AFDN: variants seen among roughly 807,000 people sequenced by gnomAD.
AFDN encodes afadin, adherens junction formation factor, also known as afadin.
Under a neutral mutation model 216.6 loss-of-function variants are expected in AFDN, and 68 were observed. The observed-to-expected ratio is 0.31, with a 90% CI of 0.26 to 0.38. AFDN has a LOEUF of 0.38. Ranked by LOEUF, AFDN falls within the 10% of genes least tolerant of loss-of-function variation. The probability of loss-of-function intolerance (pLI) is 1.00; values close to 1 mark genes in which losing one functional copy is unlikely to be tolerated. For synonymous variants in AFDN, 868 were observed against 853.7 expected (o/e 1.02, Z -0.29); for missense variants, 2,136 against 2,342.0 (o/e 0.91, Z 1.82).
At chr6:167,907,616 A>G (rs991239347) in intron 13 of AFDN, among the ~76,000 whole-genome samples, 1 of 152,248 alleles carries the variant, frequency 6.6e-6, no homozygotes, top group Non-Finnish European at 1.5e-5. Context: ...TTTTGTATTT[A>G]GAAAAATCTG....
chr6:167,965,702 C>T (rs753994946), intron 31 of AFDN, 55 bp from the exon 32 acceptor site: 6 of 1,456,260 alleles, frequency 4.1e-6, no homozygotes, highest in Non-Finnish European at 5.5e-6. Flanking sequence ...CCCAGTGGGT[C>T]GGCTGTTCCC....
At chr6:167,839,109 A>G (rs1043861174) in intron 1 of AFDN, among the ~76,000 whole-genome samples, 7 of 152,192 alleles carry the variant, frequency 4.6e-5, no homozygotes, top group Admixed American at 4.6e-4. Flanking sequence ...TAATTTGTGT[A>G]GCTGCTGAAC....
At position 167,962,876 on chromosome 6, in the gene AFDN, A is replaced by T; in HGVS notation, c.4968+309A>T. 8.4e-7 allele frequency: 1 copy of T among 1,190,800 alleles called. No homozygotes were observed. The allele number at this position is 1,190,800 out of a possible 1,614,324, so 73.8% of individuals were successfully genotyped here. A position where few individuals can be genotyped will look rare whatever the true frequency, so the allele number is the denominator to read the frequency against. On this transcript the variant is annotated intron_variant, in intron 31 of 33. Transcript: ENST00000683244. The surrounding 1 kb of genome is among the most constrained non-coding windows in gnomAD (Gnocchi z 5.2). ...TTTCCTCGGGCACTCATCTTTACTG[A>T]ACATGGCCCAGCTTGTCATTGTGAA...
At chr6:167,869,992 A>G (rs1784617425) in intron 2 of AFDN, among the ~76,000 whole-genome samples, 2 of 152,194 alleles carry the variant, frequency 1.3e-5, no homozygotes, top group African/African-American at 2.4e-5. Flanking sequence ...GAACAATCTC[A>G]TAGAATCAGT....
chr6:167,886,357 A>G (rs761958674), intron 6 of AFDN, among the ~76,000 whole-genome samples: 3 of 152,226 alleles, frequency 2.0e-5, no homozygotes, highest in East Asian at 1.9e-4. Context: ...ATGAGAATTC[A>G]TAGATAAACA....
chr6:167,939,242 T>C (rs1794390976), intron 23 of AFDN, among the ~76,000 whole-genome samples: 1 of 152,222 alleles, frequency 6.6e-6, no homozygotes, highest in Non-Finnish European at 1.5e-5. Flanking sequence ...GGGATGATTT[T>C]TATTCTTTAC....
At chr6:167,869,158 G>A (rs947476707) in intron 2 of AFDN, among the ~76,000 whole-genome samples, 1 of 152,094 alleles carries the variant, frequency 6.6e-6, no homozygotes, top group Admixed American at 6.5e-5. Flanking sequence ...ACTGTGAGGT[G>A]ATGTGACTGA....
At position 167,951,769 on chromosome 6, in the gene AFDN, A is replaced by G. The variant is rs145460092; in HGVS notation, c.4415A>G (p.Glu1472Gly). ...SPLTAQQMKPEKPSTLQRPQE... is the reference protein window; with the variant it reads ...SPLTAQQMKPGKPSTLQRPQE... ...CTGACTGCACAGCAGATGAAGCCCG[A>G]AAAGCCTTCCACACTCCAGCGGCCA... is the stretch of plus-strand genomic sequence containing the variant. The change falls in exon 30 of 34, where the codon GAA becomes GGA. Residue 1472 changes from glutamate (E) to glycine (G), a missense_variant. Coordinates refer to ENST00000683244, the MANE Select transcript of AFDN (RefSeq NM_001386888.1). This position sits in a 1 kb window ranked among gnomAD's most constrained non-coding sequence, Gnocchi z 7.1. 8.1e-5 allele frequency: 131 copies of G among 1,614,008 alleles called. No homozygotes were observed. Among genetic ancestry groups the G allele is most frequent in the Non-Finnish European group, 1.1e-4 (127 of 1,180,036 alleles).
At chr6:167,872,681 G>A (rs556618983) in intron 4 of AFDN, among the ~76,000 whole-genome samples, 1 of 152,190 alleles carries the variant, frequency 6.6e-6, no homozygotes, top group East Asian at 1.9e-4. Context: ...TCTTCAGCTG[G>A]GTTTTTTCCT....
At position 167,951,196 on chromosome 6, in the gene AFDN, G is replaced by A. The variant is rs774470994; in HGVS notation, c.3842G>A (p.Arg1281His). The A allele has an allele frequency of 2.1e-5, 33 of 1,554,774 alleles. No individual in the cohort carries two copies. The highest frequency in any genetic ancestry group is 2.0e-4 in the East Asian group (9 of 44,330). Residue 1281 changes from arginine (R) to histidine (H), a missense_variant, in exon 30 of 34, where the codon CGT becomes CAT. Transcript: ENST00000683244. This position sits in a 1 kb window ranked among gnomAD's most constrained non-coding sequence, Gnocchi z 7.1. ...HSSIAIQRVT[R>H]SQEELREDKA... ...TTTTTCTTTTTGCAGCGTGTTACAC[G>A]TTCCCAAGAAGAACTTCGAGAAGAT...
chr6:167,911,374 C>T lies in AFDN; in HGVS notation c.1922C>T (p.Ala641Val). The change falls in exon 15 of 34, where the codon GCA (alanine) becomes GTA (valine). Residue 641 changes from alanine (A) to valine (V), a missense_variant. Coordinates refer to ENST00000683244, the MANE Select transcript of AFDN (RefSeq NM_001386888.1). ...KLSPTYVLYM[A>V]CRYVLSNQYR... ...TCCCCTACATATGTATTATATATGG[C>T]ATGCCGGTATGTATTGTCCAACCAG... 6.2e-7 allele frequency: 1 copy of T among 1,613,780 alleles called. No homozygotes were observed.
chr6:167,907,197 A>C lies in AFDN; in HGVS notation c.1677A>C (p.Arg559Ser). ...GCACCACTAGGCTGGACAGCGACAG[A>C]GTGTCGTCTGCCTCTAGCACAGCCG... ...SKSTTRLDSD[R>S]VSSASSTAER... Residue 559 changes from arginine (R) to serine (S), a missense_variant, in exon 13 of 34, where the codon AGA becomes AGC. Physicochemically the swap from Arg to Ser is moderately radical, Grantham distance 110. Coordinates refer to ENST00000683244, the MANE Select transcript of AFDN (RefSeq NM_001386888.1). The C allele has an allele frequency of 1.9e-6, 3 of 1,614,134 alleles. No homozygotes were observed. The highest frequency in any genetic ancestry group is 2.5e-6 in the Non-Finnish European group (3 of 1,179,988).
At chr6:167,917,330 C>CT in intron 20 of AFDN, 98 bp downstream of exon 20, 1 of 1,213,482 alleles carries the variant, frequency 8.2e-7, no homozygotes, top group Non-Finnish European at 1.1e-6. Flanking sequence ...AATACGTTAA[C>CT]TTATTTATTC....
upstream of AFDN, chr6:167,826,614 C>A: frequency 1.9e-6 from 1 of 517,612 alleles, no homozygotes; most frequent in Non-Finnish European, 3.9e-6. Context: ...TCGGACCCAG[C>A]ACTGCCCATT....
At chr6:167,946,931 T>G (rs1583005310) in intron 27 of AFDN, 30 bp downstream of exon 27, 1 of 1,580,352 alleles carries the variant, frequency 6.3e-7, no homozygotes, top group Middle Eastern at 1.7e-4. Flanking sequence ...GCTTCCTAAG[T>G]ACACTTGTGA....
chr6:167,896,846 C>G, intron 9 of AFDN, 32 bp from the exon 10 acceptor site: 1 of 1,367,692 alleles, frequency 7.3e-7, no homozygotes, highest in South Asian at 1.2e-5. Flanking sequence ...TTAGACTTTG[C>G]AAATAGAGCT....
At chr6:167,874,300 G>T (rs1462842194) in intron 4 of AFDN, among the ~76,000 whole-genome samples, 1 of 152,100 alleles carries the variant, frequency 6.6e-6, no homozygotes, top group Non-Finnish European at 1.5e-5. Context: ...TGTTTATGGG[G>T]TGATAAATTA....
intron 6 of AFDN, among the ~76,000 whole-genome samples, chr6:167,882,485 CAAA>C (rs143438459): frequency 1.2e-3 from 170 of 142,462 alleles, no homozygotes; most frequent in Non-Finnish European, 1.4e-3. Flanking sequence ...ACTAAAACTA[CAAA>C]AAAAAAAAAA....
chr6:167,827,912 A>G (rs1228960952), intron 1 of AFDN: 1 of 152,192 alleles, frequency 6.6e-6, no homozygotes, highest in African/African-American at 2.4e-5. Flanking sequence ...GGAGGAGGAA[A>G]TCACGCTCGC....
Sources: allele counts gnomAD v4.1 joint callset (sites outside exome capture counted in the v4.1 genomes callset), GRCh38; gene constraint gnomAD v4.1.1; non-coding constraint Gnocchi (gnomAD v3.1); transcripts MANE v1.5; gene names NCBI Gene and HGNC (gene_info 2026-07-23, HGNC 2026-07-21).